ASAP2: variants seen among roughly 807,000 people sequenced by gnomAD.
The protein encoded by ASAP2 is ArfGAP with SH3 domain, ankyrin repeat and PH domain 2.
Under a neutral mutation model 131.4 loss-of-function variants are expected in ASAP2, and 45 were observed. The observed-to-expected ratio is 0.34, with a 90% CI of 0.27 to 0.44. The LOEUF (loss-of-function observed/expected upper bound fraction) is 0.44. ASAP2 is among the 20% of genes least tolerant of loss of function. The pLI is 1.00. For missense variants in ASAP2, 1,011 were observed against 1,297.0 expected (o/e 0.78, Z 3.39); for synonymous variants, 510 against 503.0 (o/e 1.01, Z -0.19).
chr2:9,211,471 T>C (rs1661554254), intron 1 of ASAP2, among the ~76,000 whole-genome samples: 1 of 152,208 alleles, frequency 6.6e-6, no homozygotes, highest in Non-Finnish European at 1.5e-5. Context: ...ATATTTGGAA[T>C]ATTCATGTTT....
chr2:9,294,806 G>A (rs1668052549), intron 2 of ASAP2, among the ~76,000 whole-genome samples: 1 of 152,142 alleles, frequency 6.6e-6, no homozygotes, highest in African/African-American at 2.4e-5. Flanking sequence ...CGTGAAGGAG[G>A]ACACCACGGC....
intron 21 of ASAP2, among the ~76,000 whole-genome samples, chr2:9,388,055 T>G (rs1675422367): frequency 6.6e-6 from 1 of 152,120 alleles, no homozygotes; most frequent in African/African-American, 2.4e-5. Flanking sequence ...GAGATTTGGG[T>G]GGGGACACAA....
chr2:9,285,730 G>A (rs1369252780), intron 2 of ASAP2, among the ~76,000 whole-genome samples: 1 of 152,216 alleles, frequency 6.6e-6, no homozygotes, highest in Non-Finnish European at 1.5e-5. Context: ...CAAGAAGGAA[G>A]CAACAGAAGA....
intron 16 of ASAP2, among the ~76,000 whole-genome samples, chr2:9,369,219 A>G (rs770028123): frequency 6.6e-6 from 1 of 152,112 alleles, no homozygotes; most frequent in Non-Finnish European, 1.5e-5. Context: ...GAGTTTCACC[A>G]TGTTGGCCAG....
chr2:9,331,918 C>T (rs1039924853), intron 7 of ASAP2, among the ~76,000 whole-genome samples: 5 of 152,136 alleles, frequency 3.3e-5, no homozygotes, highest in Non-Finnish European at 7.3e-5. Flanking sequence ...CCGGATGCTG[C>T]AGAAGCTTGC....
At position 9,403,341 on chromosome 2, in the gene ASAP2, A is replaced by G. The variant is rs1676914533; in HGVS notation, c.*14A>G. ...ATCGCTGACTGAATTGCTACTGAACAAAAGCATTAACAGTTATGTTCCTGT... is the reference window on the plus strand; with the variant it reads ...ATCGCTGACTGAATTGCTACTGAACGAAAGCATTAACAGTTATGTTCCTGT... On this transcript the variant is annotated 3_prime_UTR_variant, in exon 28 of 28. Coordinates refer to ENST00000281419, the MANE Select transcript of ASAP2 (RefSeq NM_003887.3). The G allele has an allele frequency of 1.2e-6, 2 of 1,612,516 alleles. No individual in the cohort carries two copies. Among genetic ancestry groups the G allele is most frequent in the South Asian group, 2.2e-5 (2 of 90,978 alleles).
intron 1 of ASAP2, among the ~76,000 whole-genome samples, chr2:9,222,638 A>G (rs1469551284): frequency 6.6e-6 from 1 of 152,132 alleles, no homozygotes; most frequent in Non-Finnish European, 1.5e-5. Context: ...TGTGTTTACT[A>G]CTGGAGCATC....
chr2:9,217,877 G>A lies in ASAP2; in HGVS notation c.126+10647G>A, dbSNP rs550743522. Among the ~76,000 whole-genome samples the A allele has an allele frequency of 2.0e-5, 3 of 150,608 alleles. No individual in the cohort carries two copies. The South Asian group carries it at 6.3e-4, about 32-fold the overall frequency. The stretch of plus-strand genomic sequence containing the variant: ...GAGGCACCCACCTCGGCTTCCCAAA[G>A]TGCTGGGATTACAGGTGTGAGCCAC... On this transcript the variant is annotated intron_variant, in intron 1 of 27. Transcript: ENST00000281419. This position sits in a 1 kb window ranked among gnomAD's most constrained non-coding sequence, Gnocchi z 4.0.
chr2:9,396,286 T>C (rs1178247591), intron 24 of ASAP2, among the ~76,000 whole-genome samples: 1 of 152,082 alleles, frequency 6.6e-6, no homozygotes, highest in African/African-American at 2.4e-5. Context: ...ATCAACTAGG[T>C]TGACTGTGAT....
rs529663474 is a variant in ASAP2, at chr2:9,300,663, C to A, written c.345+3218C>A. 4.6e-5 allele frequency among the ~76,000 whole-genome samples: 7 copies of A among 152,330 alleles called. No individual in the cohort carries two copies. In the East Asian group the frequency reaches 1.4e-3, roughly 29 times the overall value. On this transcript the variant is annotated intron_variant, in intron 3 of 27. Coordinates refer to ENST00000281419, the MANE Select transcript of ASAP2 (RefSeq NM_003887.3). ...TCATTTATTCCTCTTGGCAGCTGTG[C>A]AGGATAGTTTGTATCACCATCCTCT...
intron 2 of ASAP2, among the ~76,000 whole-genome samples, chr2:9,284,343 T>C (rs1378868210): frequency 6.6e-6 from 1 of 152,224 alleles, no homozygotes; most frequent in Non-Finnish European, 1.5e-5. Context: ...ATATTGCTCC[T>C]GATTGTTCTC....
intron 1 of ASAP2, among the ~76,000 whole-genome samples, chr2:9,255,251 A>G (rs765522412): frequency 9.9e-5 from 15 of 152,230 alleles, no homozygotes; most frequent in Non-Finnish European, 2.2e-4. Flanking sequence ...AGATCATACA[A>G]TGCATCATGA....
At chr2:9,361,105 T>C (rs577311574) in intron 15 of ASAP2, among the ~76,000 whole-genome samples, 1 of 152,324 alleles carries the variant, frequency 6.6e-6, no homozygotes, top group East Asian at 1.9e-4. Context: ...CCATCTGCAT[T>C]CTTGTAGGAG....
chr2:9,391,389 G>A (rs530328689), intron 23 of ASAP2, among the ~76,000 whole-genome samples, 193 bp downstream of exon 23: 2 of 152,082 alleles, frequency 1.3e-5, no homozygotes, highest in East Asian at 3.9e-4. Flanking sequence ...ACCCCTGCCT[G>A]TCCCCACACT....
intron 11 of ASAP2, among the ~76,000 whole-genome samples, chr2:9,345,359 C>G (rs1161916543): frequency 1.3e-5 from 2 of 152,052 alleles, no homozygotes; most frequent in African/African-American, 4.8e-5. Flanking sequence ...AGAGTCTATG[C>G]AAGAAAAAAC....
chr2:9,335,913 A>C (rs1217324263), intron 9 of ASAP2: 1 of 152,220 alleles, frequency 6.6e-6, no homozygotes, highest in African/African-American at 2.4e-5. Context: ...AAATTGCTAA[A>C]CTACTTGACA....
intron 1 of ASAP2, among the ~76,000 whole-genome samples, chr2:9,210,181 C>G (rs1470298514): frequency 6.6e-6 from 1 of 152,170 alleles, no homozygotes; most frequent in African/African-American, 2.4e-5. Context: ...CATGCTGCTT[C>G]CTGTTACTTT....
chr2:9,349,141 G>A (rs1006446155), intron 11 of ASAP2, among the ~76,000 whole-genome samples: 1 of 152,178 alleles, frequency 6.6e-6, no homozygotes, highest in Non-Finnish European at 1.5e-5. Context: ...TGCCTGCCTT[G>A]TATAGGTATA....
At chr2:9,305,483 A>T (rs1172310663) in intron 3 of ASAP2, among the ~76,000 whole-genome samples, 1 of 140,706 alleles carries the variant, frequency 7.1e-6, no homozygotes, top group Non-Finnish European at 1.6e-5. Context: ...TGGGGTATAG[A>T]TATTGGTGGA....
Sources: gnomAD v4.1 joint callset for allele counts (sites outside exome capture counted in the v4.1 genomes callset) on GRCh38, gnomAD v4.1.1 for gene constraint, Gnocchi (gnomAD v3.1) non-coding constraint, MANE v1.5 for transcripts, NCBI Gene and HGNC (gene_info 2026-07-23, HGNC 2026-07-21) for gene names.